The following DGKB variants were observed in gnomAD, a reference collection of about 807,000 sequenced individuals.
DGKB encodes the protein 90 kDa diacylglycerol kinase.
Under a neutral mutation model 114.3 loss-of-function variants are expected in DGKB, and 67 were observed. That is an observed-to-expected ratio of 0.59 (90% confidence interval 0.48 to 0.72). The LOEUF is 0.72. Ranked by LOEUF, DGKB falls within the 30% of genes least tolerant of loss-of-function variation. The pLI is 0.00. For synonymous variants in DGKB, 398 were observed against 323.1 expected (o/e 1.23, Z -2.49); for missense variants, 907 against 975.2 (o/e 0.93, Z 0.93).
intron 1 of DGKB, among the ~76,000 whole-genome samples, 177 bp from the exon 2 acceptor site, chr7:14,841,627 C>T (rs1847947183): frequency 6.6e-6 from 1 of 152,116 alleles, no homozygotes; most frequent in African/African-American, 2.4e-5. Flanking sequence ...TCTAGTTTTA[C>T]AAACTCCACA....
intron 4 of DGKB, among the ~76,000 whole-genome samples, chr7:14,737,868 T>C (rs1222792244): frequency 6.9e-6 from 1 of 145,630 alleles, no homozygotes; most frequent in East Asian, 2.0e-4. Flanking sequence ...CACTCCGGCC[T>C]GGCGATAGAG....
At chr7:14,482,159 T>C (rs960233275) in intron 20 of DGKB, among the ~76,000 whole-genome samples, 1 of 152,012 alleles carries the variant, frequency 6.6e-6, no homozygotes, top group Non-Finnish European at 1.5e-5. Context: ...TAATAATACC[T>C]GCCTTGCTTT....
At chr7:14,626,993 A>C (rs2128831428) in intron 14 of DGKB, among the ~76,000 whole-genome samples, 1 of 152,268 alleles carries the variant, frequency 6.6e-6, no homozygotes, top group South Asian at 2.1e-4. Flanking sequence ...TTTAACTATA[A>C]ATTGGAAAGC....
chr7:14,567,652 G>C (rs190725030), intron 20 of DGKB, among the ~76,000 whole-genome samples: 8 of 141,630 alleles, frequency 5.6e-5, no homozygotes, highest in African/African-American at 2.1e-4. Flanking sequence ...CGTTGTGCAG[G>C]CTGCAGTGCA....
At position 14,701,636 on chromosome 7, in the gene DGKB, G is replaced by C. The variant is rs73272155; in HGVS notation, c.516+45C>G. ...AATTTATTCATTGCATTCTTCAGAAGAAAATCTTTGAAGTTTTCACAGAAA... is the reference window on the plus strand; with the variant it reads ...AATTTATTCATTGCATTCTTCAGAACAAAATCTTTGAAGTTTTCACAGAAA... On this transcript the variant is annotated intron_variant, in intron 7 of 25. Coordinates refer to ENST00000402815, the MANE Select transcript of DGKB (RefSeq NM_001350709.2). 2,421 of 1,403,800 alleles carry C rather than the reference G, an allele frequency of 1.7e-3. 25 individuals are homozygous for C. In the African/African-American group the frequency reaches 0.028, roughly 16 times the overall value. 87.0% of individuals were successfully genotyped at this position (1,403,800 alleles called of 1,614,324 possible).
intron 17 of DGKB, among the ~76,000 whole-genome samples, chr7:14,587,886 C>A (rs749732616): frequency 6.6e-6 from 1 of 152,096 alleles, no homozygotes; most frequent in Non-Finnish European, 1.5e-5. Flanking sequence ...TTTATATGTA[C>A]TGGGAAACGA....
intron 23 of DGKB, among the ~76,000 whole-genome samples, chr7:14,231,739 A>C (rs576352596): frequency 2.0e-5 from 3 of 152,084 alleles, no homozygotes; most frequent in African/African-American, 7.2e-5. Context: ...CTATTCCCTA[A>C]TAGTGTCTGA....
In DGKB at chr7:14,919,626, A is replaced by G. The variant is rs143422377; in HGVS notation, c.-188+55070T>C. On this transcript the variant is annotated intron_variant, in intron 1 of 4. Coordinates refer to the DGKB transcript ENST00000437998. ...AAGGTGTTTTTCAACAGACAAAAAG[A>G]TAAGTAAACTATGGTACATCTCTAA... Among the ~76,000 whole-genome samples, 60 of 152,336 alleles carry G rather than the reference A, an allele frequency of 3.9e-4. No individual in the cohort carries two copies. In the East Asian group the frequency reaches 0.011, roughly 28 times the overall value.
At chr7:14,231,383 C>T (rs905256697) in intron 23 of DGKB, among the ~76,000 whole-genome samples, 1 of 151,920 alleles carries the variant, frequency 6.6e-6, no homozygotes, top group Non-Finnish European at 1.5e-5. Flanking sequence ...AGCCATCCAC[C>T]TGCCTTGGCC....
chr7:14,567,889 G>T (rs1454160573), intron 20 of DGKB, among the ~76,000 whole-genome samples: 3 of 151,990 alleles, frequency 2.0e-5, no homozygotes, highest in African/African-American at 7.3e-5. Flanking sequence ...TTAAAGGCGT[G>T]AGCCACAGCA....
chr7:14,327,005 C>G (rs1808858114), intron 23 of DGKB, among the ~76,000 whole-genome samples: 1 of 152,132 alleles, frequency 6.6e-6, no homozygotes, highest in Non-Finnish European at 1.5e-5. Context: ...AAGTCTACCA[C>G]AGGGGTTTCA....
At chr7:14,151,631 A>C (rs1292417478) in intron 25 of DGKB, among the ~76,000 whole-genome samples, 1 of 152,098 alleles carries the variant, frequency 6.6e-6, no homozygotes, top group Non-Finnish European at 1.5e-5. Context: ...TAAAAATTAT[A>C]TGTAACCTGT....
chr7:14,650,849 T>C (rs113268696), intron 13 of DGKB, among the ~76,000 whole-genome samples: 1 of 150,762 alleles, frequency 6.6e-6, no homozygotes, highest in Non-Finnish European at 1.5e-5. Context: ...CAAACTACCA[T>C]CAGAGAATAA....
At chr7:14,737,418 A>C (rs1258748447) in intron 4 of DGKB, among the ~76,000 whole-genome samples, 1 of 151,352 alleles carries the variant, frequency 6.6e-6, no homozygotes, top group African/African-American at 2.4e-5. Flanking sequence ...TGGAATAGAA[A>C]GTTTGTTTTT....
chr7:14,649,444 C>T (rs1813921145), intron 13 of DGKB, among the ~76,000 whole-genome samples: 1 of 150,814 alleles, frequency 6.6e-6, no homozygotes. Context: ...CAAGCAAATG[C>T]TGAGAGATTT....
intron 1 of DGKB, among the ~76,000 whole-genome samples, chr7:14,842,923 T>C (rs1357610332): frequency 6.6e-6 from 1 of 152,156 alleles, no homozygotes; most frequent in Non-Finnish European, 1.5e-5. Context: ...TAATAAAGGA[T>C]TAAGGCCAGG....
At position 14,950,066 on chromosome 7, in the gene DGKB, C is replaced by G. The variant is rs889889467; in HGVS notation, c.-188+24630G>C. On this transcript the variant is annotated intron_variant, in intron 1 of 4. Coordinates refer to the DGKB transcript ENST00000437998. The stretch of plus-strand genomic sequence containing the variant: ...CGTATACATATGTAACAAACCTGCA[C>G]ATTGTGCACATGTACCCTAGAACTT... 1.1e-4 allele frequency among the ~76,000 whole-genome samples: 17 copies of G among 151,546 alleles called. No individual in the cohort carries two copies. In the East Asian group the frequency reaches 3.3e-3, roughly 30 times the overall value.
At chr7:14,780,265 CTT>C (rs1272286151) in intron 2 of DGKB, among the ~76,000 whole-genome samples, 2 of 152,156 alleles carry the variant, frequency 1.3e-5, no homozygotes, top group Non-Finnish European at 2.9e-5. Flanking sequence ...CCAGCTGACT[CTT>C]TTGTGCAGGA....
intron 16 of DGKB, among the ~76,000 whole-genome samples, chr7:14,608,576 T>A (rs181363536): frequency 8.6e-4 from 131 of 152,086 alleles, no homozygotes; most frequent in African/African-American, 3.0e-3. Context: ...TTCTGGAAGT[T>A]CTAATCAGAG....
Sources: gnomAD v4.1 joint callset for allele counts (sites outside exome capture counted in the v4.1 genomes callset) on GRCh38, gnomAD v4.1.1 for gene constraint, MANE v1.5 for transcripts, NCBI Gene and HGNC (gene_info 2026-07-23, HGNC 2026-07-21) for gene names.